Variants in DLGAP2 observed in about 807,000 individuals in gnomAD.
DLGAP2 encodes the protein DLG associated protein 2.
A neutral mutation model predicts 100.3 loss-of-function variants in DLGAP2; 26 were observed. The observed-to-expected ratio is 0.26, with a 90% CI of 0.19 to 0.36. The LOEUF (loss-of-function observed/expected upper bound fraction) is 0.36, where lower values mean the gene tolerates loss of function less well. DLGAP2 is among the 10% of genes least tolerant of loss of function. DLGAP2 has a pLI of 1.00. For synonymous variants in DLGAP2, 886 were observed against 630.1 expected (o/e 1.41, Z -6.08); for missense variants, 1,858 against 1,453.2 (o/e 1.28, Z -4.53).
At chr8:1,123,573 G>C (rs1796098034) in intron 2 of DLGAP2, among the ~76,000 whole-genome samples, 1 of 152,106 alleles carries the variant, frequency 6.6e-6, no homozygotes, top group African/African-American at 2.4e-5. Flanking sequence ...ACCTGGAAAA[G>C]TGATACATTA....
At chr8:1,666,298 G>A (rs1011484340) in intron 8 of DLGAP2, among the ~76,000 whole-genome samples, 6 of 152,208 alleles carry the variant, frequency 3.9e-5, no homozygotes, top group Admixed American at 1.3e-4. Flanking sequence ...CTCAGCACCC[G>A]ATTGATTTCA....
intron 3 of DLGAP2, among the ~76,000 whole-genome samples, chr8:1,276,652 T>C (rs1563056896): frequency 2.0e-5 from 3 of 150,758 alleles, no homozygotes; most frequent in Non-Finnish European, 3.0e-5. Flanking sequence ...CCAGCACACG[T>C]CCCCAGACTC....
rs118077263 is a variant in DLGAP2 at position 755,167 on chromosome 8, G to T, written c.18+17342G>T. The stretch of plus-strand genomic sequence containing the variant: ...CAGAGGACAGTGTTTTCTGGATTTA[G>T]AGTCTGTGGAGGGAGATAAATATTA... On this transcript the variant is annotated intron_variant, in intron 1 of 14. Transcript: ENST00000637795. 1.4e-3 allele frequency among the ~76,000 whole-genome samples: 213 copies of T among 152,298 alleles called. 2 individuals carry two copies. In the East Asian group the frequency reaches 0.037, roughly 27 times the overall value.
chr8:1,001,796 A>C (rs1388694680), intron 2 of DLGAP2, among the ~76,000 whole-genome samples: 6 of 152,168 alleles, frequency 3.9e-5, no homozygotes, highest in Non-Finnish European at 8.8e-5. Flanking sequence ...TTACAATTTC[A>C]AGAACAAGGA....
chr8:1,392,889 G>GTTTTTT (rs1193752112), intron 3 of DLGAP2, among the ~76,000 whole-genome samples: 1 of 129,294 alleles, frequency 7.7e-6, no homozygotes, highest in Non-Finnish European at 1.6e-5. Flanking sequence ...TGACGTTTCT[G>GTTTTTT]TTTTTTTTTT....
intron 2 of DLGAP2, among the ~76,000 whole-genome samples, chr8:1,054,114 G>A (rs904450646): frequency 3.9e-5 from 6 of 152,070 alleles, no homozygotes; most frequent in South Asian, 2.1e-4. Context: ...TGCGGCACCC[G>A]GCGTTTCTGG....
chr8:1,352,264 G>T lies in DLGAP2; in HGVS notation c.106+93381G>T, dbSNP rs183371383. On this transcript the variant is annotated intron_variant, in intron 3 of 14. Transcript: ENST00000637795. ...TGGAAAGGCCGTGTGGGTCCTGATC[G>T]TGTGTGGAAAGGACGTGCGGGTCCT... Among the ~76,000 whole-genome samples the T allele has an allele frequency of 3.2e-5, 4 of 126,930 alleles. 1 individual carries two copies. The highest frequency in any genetic ancestry group is 6.8e-5 in the Non-Finnish European group (4 of 58,694). The allele number at this position is 126,930 out of a possible 152,430, so 83.3% of individuals were successfully genotyped here. A position where few individuals can be genotyped will look rare whatever the true frequency, so the allele number is the denominator to read the frequency against.
chr8:1,265,611 C>G (rs1585206528), intron 3 of DLGAP2, among the ~76,000 whole-genome samples: 1 of 152,142 alleles, frequency 6.6e-6, no homozygotes, highest in African/African-American at 2.4e-5. Context: ...CTAAAGACTC[C>G]TAAGACTGAA....
chr8:774,010 T>C (rs556635571), intron 1 of DLGAP2, among the ~76,000 whole-genome samples: 3 of 152,340 alleles, frequency 2.0e-5, no homozygotes, highest in African/African-American at 7.2e-5. Context: ...CCAGCACCTG[T>C]TGTTTCCTCA....
chr8:849,483 G>A lies in DLGAP2; in HGVS notation c.19-58429G>A, dbSNP rs541014216. 7.2e-5 allele frequency among the ~76,000 whole-genome samples: 11 copies of A among 152,284 alleles called. No homozygotes were observed. The South Asian group carries it at 2.3e-3, about 32-fold the overall frequency. On this transcript the variant is annotated intron_variant, in intron 1 of 14. Coordinates refer to ENST00000637795, the MANE Select transcript of DLGAP2 (RefSeq NM_001346810.2). ...TAGTTCGATGCCTGGGATGGGAGTGGCTGTGTCAATGGTAGTGTATGTTTA... is the reference window on the plus strand; with the variant it reads ...TAGTTCGATGCCTGGGATGGGAGTGACTGTGTCAATGGTAGTGTATGTTTA...
intron 2 of DLGAP2, among the ~76,000 whole-genome samples, chr8:1,050,141 T>A (rs571130601): frequency 6.6e-6 from 1 of 152,396 alleles, no homozygotes; most frequent in East Asian, 1.9e-4. Flanking sequence ...CACGTGTGCC[T>A]ATAGTTTCAG....
chr8:831,268 G>T (rs1179559405), intron 1 of DLGAP2, among the ~76,000 whole-genome samples: 1 of 146,840 alleles, frequency 6.8e-6, no homozygotes, highest in African/African-American at 2.5e-5. Flanking sequence ...CAACATGCAG[G>T]TTTGTTACAT....
At chr8:1,282,165 G>T (rs1001103054) in intron 3 of DLGAP2, among the ~76,000 whole-genome samples, 1 of 148,986 alleles carries the variant, frequency 6.7e-6, no homozygotes, top group Non-Finnish European at 1.5e-5. Context: ...ATCCAGACGT[G>T]GTGTGACCTG....
intron 2 of DLGAP2, among the ~76,000 whole-genome samples, chr8:1,213,989 C>G (rs1362696954): frequency 6.6e-6 from 1 of 151,326 alleles, no homozygotes; most frequent in African/African-American, 2.5e-5. Context: ...CCGCCTCTGC[C>G]CTAGCATCCA....
intron 2 of DLGAP2, among the ~76,000 whole-genome samples, chr8:1,241,752 A>AG (rs1798801689): frequency 6.6e-6 from 1 of 151,726 alleles, no homozygotes; most frequent in African/African-American, 2.4e-5. Context: ...GGTGAAAAAA[A>AG]AAACTAATAA....
chr8:1,327,649 C>G (rs1454841964), intron 3 of DLGAP2, among the ~76,000 whole-genome samples: 2 of 152,088 alleles, frequency 1.3e-5, no homozygotes, highest in African/African-American at 4.8e-5. Flanking sequence ...TCGAGACCAT[C>G]CTGACTAACA....
At chr8:911,791 A>G (rs968389757) in intron 2 of DLGAP2, among the ~76,000 whole-genome samples, 1 of 151,974 alleles carries the variant, frequency 6.6e-6, no homozygotes, top group East Asian at 1.9e-4. Flanking sequence ...GGATATGTGT[A>G]TAATGTATGT....
intron 3 of DLGAP2, among the ~76,000 whole-genome samples, chr8:1,342,236 C>G (rs551322928): frequency 2.0e-5 from 3 of 152,048 alleles, no homozygotes; most frequent in Non-Finnish European, 4.4e-5. Context: ...TGTGAGCCAC[C>G]GCACCTGGCC....
intron 2 of DLGAP2, among the ~76,000 whole-genome samples, chr8:1,138,351 C>T (rs1796460246): frequency 6.6e-6 from 1 of 152,242 alleles, no homozygotes; most frequent in African/African-American, 2.4e-5. Flanking sequence ...GGAAGCTCTG[C>T]AGGCCCTGCC....
Sources: allele counts gnomAD v4.1 joint callset (sites outside exome capture counted in the v4.1 genomes callset), GRCh38; gene constraint gnomAD v4.1.1; transcripts MANE v1.5; gene names NCBI Gene and HGNC (gene_info 2026-07-23, HGNC 2026-07-21).